NPC1: variants seen among roughly 807,000 people sequenced by gnomAD.
The protein encoded by NPC1 is Niemann-Pick C1 protein.
A neutral mutation model predicts 140.4 loss-of-function variants in NPC1; 85 were observed. The ratio of observed to expected loss-of-function variants is 0.61; its 90% CI spans 0.51 to 0.72. The LOEUF (loss-of-function observed/expected upper bound fraction) is 0.72, where lower values mean the gene tolerates loss of function less well. Ranked by LOEUF, NPC1 falls within the 30% of genes least tolerant of loss-of-function variation. The probability of loss-of-function intolerance (pLI) is 0.00; values close to 1 mark genes in which losing one functional copy is unlikely to be tolerated. For missense variants in NPC1, 1,504 were observed against 1,623.8 expected (o/e 0.93, Z 1.27); for synonymous variants, 656 against 624.8 (o/e 1.05, Z -0.74).
chr18:23,536,999 T>C, intron 20 of NPC1, 123 bp from the exon 21 acceptor site: 1 of 766,666 alleles, frequency 1.3e-6, no homozygotes, highest in Admixed American at 2.0e-5. Context: ...CAGCTGTACA[T>C]TTCAGGGATG....
intron 10 of NPC1, among the ~76,000 whole-genome samples, chr18:23,549,836 G>T (rs2058842736): frequency 6.6e-6 from 1 of 150,904 alleles, no homozygotes; most frequent in Non-Finnish European, 1.5e-5. Context: ...CCACCTCCAG[G>T]ATTCAAGTGA....
At chr18:23,516,458 T>C in intron 3 of NPC1, 2 of 1,592,074 alleles carry the variant, frequency 1.3e-6, no homozygotes, top group Non-Finnish European at 1.7e-6. Context: ...CATCCTGTGA[T>C]TGCTTTCAGT....
chr18:23,556,201 A>T (rs1363204919), intron 8 of NPC1, 42 bp downstream of exon 8: 1 of 1,578,754 alleles, frequency 6.3e-7, no homozygotes, highest in Admixed American at 1.7e-5. Flanking sequence ...AGCAAACCAC[A>T]AGGTCATCTA....
intron 5 of NPC1, 96 bp from the exon 6 acceptor site, chr18:23,560,576 TA>T (rs1417465674): frequency 1.2e-5 from 15 of 1,238,450 alleles, no homozygotes; most frequent in Admixed American, 4.3e-5. Flanking sequence ...CTGAAATACA[TA>T]AAACAACTGA....
intron 22 of NPC1, 104 bp from the exon 23 acceptor site, chr18:23,534,663 G>A: frequency 8.4e-6 from 7 of 833,738 alleles, no homozygotes; most frequent in South Asian, 5.7e-5. Context: ...CACCCTGGGT[G>A]CTAGAGGAGG....
chr18:23,569,795 T>C (rs1187101903), intron 3 of NPC1, among the ~76,000 whole-genome samples: 1 of 152,228 alleles, frequency 6.6e-6, no homozygotes, highest in African/African-American at 2.4e-5. Flanking sequence ...TCTGGCTGCA[T>C]GCACTTCAGG....
chr18:23,545,110 C>A lies in NPC1; in HGVS notation c.1797G>T (p.Leu599=). Residue 599 remains leucine, a synonymous_variant, in exon 12 of 25, where the codon CTG becomes CTT. Coordinates refer to ENST00000269228, the MANE Select transcript of NPC1 (RefSeq NM_000271.5). ...NFVKNYKNPN[L]TISFTAERSI... is the part of the protein sequence containing the mutation. ...TTCGTTCAGCAGTGAAGGAAATGGT[C>A]AGATTGGGATTCTTGTAGTTTTTCA... 6.2e-7 allele frequency: 1 copy of A among 1,613,286 alleles called. No homozygotes were observed. Among genetic ancestry groups the A allele is most frequent in the Non-Finnish European group, 8.5e-7 (1 of 1,179,246 alleles).
At chr18:23,531,428 C>G (rs1467440454), downstream of NPC1, 2 of 1,148,618 alleles carry the variant, frequency 1.7e-6, no homozygotes, top group East Asian at 2.7e-5. Flanking sequence ...ACCATAAGGA[C>G]AGGTTAGATA....
chr18:23,573,851 TACTC>T lies in NPC1; in HGVS notation c.58-281_58-278del, dbSNP rs146504010. ...GGAAGCTATAGTTCCATGTAAGAAATACTCAATCACAGTAGAGAGAAAAGCAAGA... is the reference window on the plus strand; with the variant it reads ...GGAAGCTATAGTTCCATGTAAGAAATAATCACAGTAGAGAGAAAAGCAAGA... On this transcript the variant is annotated intron_variant, in intron 1 of 24. Coordinates refer to ENST00000269228, the MANE Select transcript of NPC1 (RefSeq NM_000271.5). 0.023 allele frequency among the ~76,000 whole-genome samples: 3,563 copies of T among 152,296 alleles called. 278 individuals are homozygous for T. The East Asian group carries it at 0.3, about 13-fold the overall frequency.
At chr18:23,537,279 C>G (rs902760690) in intron 20 of NPC1, among the ~76,000 whole-genome samples, 7 of 152,160 alleles carry the variant, frequency 4.6e-5, no homozygotes, top group African/African-American at 1.4e-4. Context: ...GCCATGTTGG[C>G]CTGGCTAGTC....
chr18:23,544,943 A>ACCCGCC lies in NPC1; in HGVS notation c.1947+16_1947+17insGGCGGG. ...GCTGTTAACCTCTAGAACATACACC[A>ACCCGCC]CCCCCCCCCGGCTTACCAGAAGCCT... On this transcript the variant is annotated intron_variant, in intron 12 of 24. Coordinates refer to ENST00000269228, the MANE Select transcript of NPC1 (RefSeq NM_000271.5). 9.7e-7 allele frequency: 1 copy of ACCCGCC among 1,032,984 alleles called. No homozygotes were observed. Among genetic ancestry groups the ACCCGCC allele is most frequent in the Non-Finnish European group, 1.4e-6 (1 of 712,986 alleles). The allele number at this position is 1,032,984 out of a possible 1,614,324, so 64.0% of individuals were successfully genotyped here.
At chr18:23,522,731 A>G (rs1035834365) in exon 2 of NPC1, 7 of 152,360 alleles carry the variant, frequency 4.6e-5, no homozygotes, top group African/African-American at 1.7e-4. Context: ...ATAGGAGGAA[A>G]TCAGGAATCC....
intron 14 of NPC1, among the ~76,000 whole-genome samples, chr18:23,542,256 CTTTTTT>C (rs10711695): frequency 2.2e-5 from 3 of 137,250 alleles, no homozygotes; most frequent in East Asian, 2.1e-4. Flanking sequence ...AAAGTTTTTT[CTTTTTT>C]TTTTTTTTTT....
intron 6 of NPC1, among the ~76,000 whole-genome samples, chr18:23,559,742 G>A (rs2059010551): frequency 6.6e-6 from 1 of 152,106 alleles, no homozygotes; most frequent in African/African-American, 2.4e-5. Context: ...CTGAGGTCAG[G>A]AGTTGGAGAT....
At chr18:23,514,760 A>G (rs1459975419) in intron 3 of NPC1, among the ~76,000 whole-genome samples, 2 of 152,078 alleles carry the variant, frequency 1.3e-5, no homozygotes, top group Non-Finnish European at 2.9e-5. Flanking sequence ...GGTTACCTAG[A>G]TGGCTTCAGA....
intron 1 of NPC1, among the ~76,000 whole-genome samples, chr18:23,574,815 C>A (rs1010150216): frequency 2.6e-5 from 4 of 152,072 alleles, no homozygotes; most frequent in African/African-American, 9.7e-5. Flanking sequence ...ACATATGAAC[C>A]CTGTGCCAAG....
intron 6 of NPC1, among the ~76,000 whole-genome samples, chr18:23,559,318 T>C (rs2145474526): frequency 6.6e-6 from 1 of 152,240 alleles, no homozygotes; most frequent in East Asian, 1.9e-4. Flanking sequence ...TCGGGGAAAC[T>C]GGGTTAAGGA....
chr18:23,526,348 G>C (rs1484572563), downstream of NPC1, among the ~76,000 whole-genome samples: 1 of 152,212 alleles, frequency 6.6e-6, no homozygotes, highest in Non-Finnish European at 1.5e-5. Flanking sequence ...TTGGAATGAA[G>C]GACTAGGAGC....
chr18:23,540,392 T>C (rs1419682551), intron 17 of NPC1, 56 bp downstream of exon 17: 5 of 1,134,446 alleles, frequency 4.4e-6, no homozygotes, highest in East Asian at 2.5e-5. Context: ...TTTTGAAAAA[T>C]GTATTCATCA....
Sources: gnomAD v4.1 joint callset for allele counts (sites outside exome capture counted in the v4.1 genomes callset) on GRCh38, gnomAD v4.1.1 for gene constraint, MANE v1.5 for transcripts, NCBI Gene and HGNC (gene_info 2026-07-23, HGNC 2026-07-21) for gene names.